The following CSTF3 variants were observed in gnomAD, a reference collection of about 807,000 sequenced individuals.
CSTF3 encodes the protein CF-1 77 kDa subunit.
In CSTF3, 29 loss-of-function variants were observed where a neutral mutation model predicts 105.8. The ratio of observed to expected loss-of-function variants is 0.27; its 90% confidence interval spans 0.20 to 0.37. CSTF3 has a LOEUF of 0.37. Ranked by LOEUF, CSTF3 falls within the 10% of genes least tolerant of loss-of-function variation. The pLI, the probability that CSTF3 is intolerant of heterozygous loss-of-function variation, is 1.00. For missense variants in CSTF3, 357 were observed against 879.3 expected (o/e 0.41, Z 7.51); for synonymous variants, 252 against 281.9 (o/e 0.89, Z 1.06).
At chr11:33,150,958 A>G (rs1191584030) in intron 1 of CSTF3, among the ~76,000 whole-genome samples, 1 of 152,164 alleles carries the variant, frequency 6.6e-6, no homozygotes, top group Admixed American at 6.5e-5. Flanking sequence ...ACATACATAC[A>G]ATTCACCCAT....
chr11:33,130,657 A>T (rs538832979), intron 3 of CSTF3, among the ~76,000 whole-genome samples: 1 of 152,334 alleles, frequency 6.6e-6, no homozygotes, highest in East Asian at 1.9e-4. Flanking sequence ...TGCCATTTTA[A>T]TAACACTCCT....
chr11:33,101,596 A>C (rs1284453357), intron 10 of CSTF3, among the ~76,000 whole-genome samples: 1 of 152,250 alleles, frequency 6.6e-6, no homozygotes, highest in African/African-American at 2.4e-5. Flanking sequence ...AGTAGTATTT[A>C]ACTTCCTGCT....
chr11:33,103,918 T>G (rs970558651), intron 8 of CSTF3, among the ~76,000 whole-genome samples: 1 of 152,036 alleles, frequency 6.6e-6, no homozygotes, highest in Admixed American at 6.6e-5. Flanking sequence ...ACTGGAACCT[T>G]GAACTCCTGG....
intron 3 of CSTF3, among the ~76,000 whole-genome samples, chr11:33,113,162 GCA>G (rs927736082): frequency 6.6e-6 from 1 of 151,370 alleles, no homozygotes; most frequent in African/African-American, 2.4e-5. Flanking sequence ...AGCAGAAATC[GCA>G]CCACACACTC....
chr11:33,095,819 C>CAAAAAA lies in CSTF3; in HGVS notation c.1375+486_1375+487insTTTTTT, dbSNP rs71034651. 8.5e-3 allele frequency among the ~76,000 whole-genome samples: 1,246 copies of CAAAAAA among 146,124 alleles called. 11 individuals are homozygous for CAAAAAA. Among genetic ancestry groups the CAAAAAA allele is most frequent in the Non-Finnish European group, 0.014 (951 of 66,402 alleles). ...CCTGGGCGACAGCGAGACTCTGTCTCAAATAAATAAATAAATAAATAAATA... is the reference window on the plus strand; with the variant it reads ...CCTGGGCGACAGCGAGACTCTGTCTCAAAAAAAAATAAATAAATAAATAAATAAATA... On this transcript the variant is annotated intron_variant, in intron 15 of 20. Coordinates refer to ENST00000323959, the MANE Select transcript of CSTF3 (RefSeq NM_001326.3).
In CSTF3 at chr11:33,085,222, G is replaced by T; in HGVS notation, c.2019C>A (p.Pro673=). 1.2e-6 allele frequency: 2 copies of T among 1,604,728 alleles called. No homozygotes were observed. The highest frequency in any genetic ancestry group is 1.7e-6 in the Non-Finnish European group (2 of 1,175,336). The part of the protein sequence containing the change: ...APELAVEGNG[P]VESNAVLTKA... The stretch of plus-strand genomic sequence containing the variant: ...TGGTGAGTACTGCATTACTTTCCAC[G>T]GGGCCGTTGCCTTCTACAGCTAGCT... Residue 673 remains proline, a synonymous_variant, in exon 21 of 21, where the codon CCC becomes CCA. Coordinates refer to ENST00000323959, the MANE Select transcript of CSTF3 (RefSeq NM_001326.3).
chr11:33,098,908 ACTGTTCATTTGG>A, intron 12 of CSTF3, 114 bp downstream of exon 12: 1 of 1,391,536 alleles, frequency 7.2e-7, no homozygotes, highest in Non-Finnish European at 9.7e-7. Flanking sequence ...ACAACTAATA[ACTGTTCATTTGG>A]CATCATCTCT....
chr11:33,158,744 AG>A (rs1419740908), intron 1 of CSTF3, among the ~76,000 whole-genome samples: 1 of 152,224 alleles, frequency 6.6e-6, no homozygotes, highest in Non-Finnish European at 1.5e-5. Flanking sequence ...ATCAAGGCTG[AG>A]TATAGACCTA....
intron 3 of CSTF3, among the ~76,000 whole-genome samples, chr11:33,120,742 A>T (rs527679392): frequency 9.2e-5 from 14 of 152,124 alleles, no homozygotes; most frequent in African/African-American, 3.1e-4. Context: ...TGCTAAATAA[A>T]TGTGGATAAA....
At chr11:33,131,613 G>A (rs552425967) in intron 3 of CSTF3, among the ~76,000 whole-genome samples, 22 of 152,210 alleles carry the variant, frequency 1.4e-4, no homozygotes, top group African/African-American at 4.8e-4. Flanking sequence ...TTGGGAGGCC[G>A]AGGCAGGCGG....
At chr11:33,129,381 C>T (rs1855575797) in intron 3 of CSTF3, among the ~76,000 whole-genome samples, 1 of 151,638 alleles carries the variant, frequency 6.6e-6, no homozygotes, top group African/African-American at 2.4e-5. Context: ...CATGAGCCAC[C>T]AAGCCCGGCC....
At chr11:33,114,047 G>A (rs928369949) in intron 3 of CSTF3, among the ~76,000 whole-genome samples, 9 of 152,210 alleles carry the variant, frequency 5.9e-5, no homozygotes, top group South Asian at 2.1e-4. Context: ...TGGTCATCAC[G>A]TATCTTTTGG....
At position 33,096,322 on chromosome 11, in the gene CSTF3, A is replaced by G; in HGVS notation, c.1359T>C (p.Tyr453=). 6.4e-7 allele frequency: 1 copy of G among 1,571,272 alleles called. No homozygotes were observed. Among genetic ancestry groups the G allele is most frequent in the Non-Finnish European group, 8.6e-7 (1 of 1,168,046 alleles). Residue 453 remains tyrosine (Y), a synonymous_variant, in exon 15 of 21, where the codon TAT becomes TAC. Coordinates refer to ENST00000323959, the MANE Select transcript of CSTF3 (RefSeq NM_001326.3). ...IPEYVLAYID[Y]LSHLNEDNNT... ...TCAACCTACCATTGAGGTGAGAAAGATAGTCAATATAGGCCAGGACATACT... is the reference window on the plus strand; with the variant it reads ...TCAACCTACCATTGAGGTGAGAAAGGTAGTCAATATAGGCCAGGACATACT...
chr11:33,100,815 G>A (rs1855274001), intron 10 of CSTF3, among the ~76,000 whole-genome samples: 1 of 152,126 alleles, frequency 6.6e-6, no homozygotes, highest in Non-Finnish European at 1.5e-5. Context: ...ATACAAAAAT[G>A]GAGTGGGCAA....
intron 5 of CSTF3, among the ~76,000 whole-genome samples, chr11:33,106,595 C>T (rs1447306788): frequency 6.6e-6 from 1 of 151,942 alleles, no homozygotes; most frequent in Admixed American, 6.6e-5. Context: ...GTATATATAA[C>T]TAAAATGTAG....
intron 3 of CSTF3, among the ~76,000 whole-genome samples, chr11:33,112,385 AATG>A (rs1356024961): frequency 6.6e-6 from 1 of 152,202 alleles, no homozygotes; most frequent in African/African-American, 2.4e-5. Context: ...ATAAAATGGG[AATG>A]ATAATAACAT....
chr11:33,143,941 G>C (rs1481053004), intron 1 of CSTF3, among the ~76,000 whole-genome samples: 1 of 152,080 alleles, frequency 6.6e-6, no homozygotes, highest in South Asian at 2.1e-4. Context: ...AGTTAGCCGA[G>C]ATAGCACCAC....
At chr11:33,104,786 T>C (rs1241226328) in intron 8 of CSTF3, among the ~76,000 whole-genome samples, 1 of 152,064 alleles carries the variant, frequency 6.6e-6, no homozygotes, top group African/African-American at 2.4e-5. Context: ...AACAAAAAAT[T>C]CTTTGTGATC....
In CSTF3 at chr11:33,098,772, G is replaced by A; in HGVS notation, c.1054-8C>T. The A allele has an allele frequency of 6.6e-7, 1 of 1,507,368 alleles. No homozygotes were observed. The highest frequency in any genetic ancestry group is 2.4e-5 in the East Asian group (1 of 41,856). 93.4% of individuals were successfully genotyped at this position (1,507,368 alleles called of 1,614,324 possible). A position where few individuals can be genotyped will look rare whatever the true frequency, so the allele number is the denominator to read the frequency against. ...TTCATACTTCATGCGACTCTAAGGT[G>A]GTACAGAAGAAGTGAGTATCAACAT... is the stretch of plus-strand genomic sequence containing the variant. On this transcript the variant is annotated splice_polypyrimidine_tract_variant and splice_region_variant and intron_variant, in intron 12 of 20. Coordinates refer to ENST00000323959, the MANE Select transcript of CSTF3 (RefSeq NM_001326.3).
Sources: gnomAD v4.1 joint callset for allele counts (sites outside exome capture counted in the v4.1 genomes callset) on GRCh38, gnomAD v4.1.1 for gene constraint, MANE v1.5 for transcripts, NCBI Gene and HGNC (gene_info 2026-07-23, HGNC 2026-07-21) for gene names.